Variants in GDI2 observed in about 807,000 individuals in gnomAD.
GDI2 encodes rab GDP dissociation inhibitor beta.
GDI2 carries 22 observed loss-of-function variants against 54.2 expected under a neutral mutation model. The ratio of observed to expected loss-of-function variants is 0.41; its 90% CI spans 0.29 to 0.58. The LOEUF is 0.58. GDI2 is among the 20% of genes least tolerant of loss of function. The pLI, the probability that GDI2 is intolerant of heterozygous loss-of-function variation, is 0.35. For missense variants in GDI2, 422 were observed against 546.0 expected (o/e 0.77, Z 2.26); for synonymous variants, 177 against 182.1 (o/e 0.97, Z 0.23).
At chr10:5,800,066 A>T (rs956596603) in intron 2 of GDI2, among the ~76,000 whole-genome samples, 2 of 152,238 alleles carry the variant, frequency 1.3e-5, no homozygotes, top group South Asian at 4.1e-4. Flanking sequence ...CACAGTACAC[A>T]TCATATCCAT....
In GDI2 at chr10:5,779,398, C is replaced by T. The variant is rs1840699953; in HGVS notation, c.720-5457G>A. The stretch of plus-strand genomic sequence containing the variant: ...TGGCATGTGCCTGTAATCCCAGCTA[C>T]TTGGGAGGCTGAGGCAGGAGAATCG... On this transcript the variant is annotated intron_variant, in intron 6 of 10. Coordinates refer to ENST00000380191, the MANE Select transcript of GDI2 (RefSeq NM_001494.4). Among the ~76,000 whole-genome samples the T allele has an allele frequency of 2.0e-5, 3 of 151,564 alleles. No individual in the cohort carries two copies. In the South Asian group the frequency reaches 6.2e-4, roughly 31 times the overall value.
intron 1 of GDI2, among the ~76,000 whole-genome samples, chr10:5,808,697 TAAAAAAAAAAAA>T (rs56672226): frequency 1.2e-5 from 1 of 86,230 alleles, no homozygotes; most frequent in African/African-American, 4.2e-5. Flanking sequence ...TTGTTGTTAT[TAAAAAAAAAAAA>T]AAAAAAAAAC....
At chr10:5,791,177 C>A (rs189381381) in intron 4 of GDI2, among the ~76,000 whole-genome samples, 1 of 152,026 alleles carries the variant, frequency 6.6e-6, no homozygotes, top group South Asian at 2.1e-4. Flanking sequence ...TCCCTATAGT[C>A]CCAGCTACTC....
chr10:5,791,948 T>A (rs573052097), intron 4 of GDI2, among the ~76,000 whole-genome samples: 1 of 152,142 alleles, frequency 6.6e-6, no homozygotes, highest in Admixed American at 6.6e-5. Flanking sequence ...ACATCTGGGA[T>A]ACTGTCTCTG....
chr10:5,788,432 G>A (rs991053371), intron 4 of GDI2, among the ~76,000 whole-genome samples: 1 of 152,102 alleles, frequency 6.6e-6, no homozygotes. Context: ...CATGGGATAT[G>A]CCTTTCTGTA....
intron 1 of GDI2, among the ~76,000 whole-genome samples, chr10:5,808,697 TAAAAAA>T (rs56672226): frequency 2.3e-5 from 2 of 86,246 alleles, no homozygotes; most frequent in South Asian, 3.9e-4. Context: ...TTGTTGTTAT[TAAAAAA>T]AAAAAAAAAA....
At chr10:5,800,228 C>T (rs1841238455) in intron 2 of GDI2, among the ~76,000 whole-genome samples, 1 of 152,178 alleles carries the variant, frequency 6.6e-6, no homozygotes, top group Non-Finnish European at 1.5e-5. Context: ...CTTGGGTTTA[C>T]AACCCATCTC....
At chr10:5,813,132 G>A (rs938232980) in intron 1 of GDI2, 82 bp downstream of exon 1, 3 of 817,336 alleles carry the variant, frequency 3.7e-6, no homozygotes, top group Non-Finnish European at 3.7e-6. Flanking sequence ...CCCCCGAGGA[G>A]CTGCGACCCG....
Position 5,785,854 on chromosome 10 carries a change from A to C in GDI2, c.585T>G (p.Asp195Glu). 3 of 1,571,908 alleles carry C rather than the reference A, an allele frequency of 1.9e-6. No individual in the cohort carries two copies. The highest frequency in any genetic ancestry group is 2.6e-6 in the Non-Finnish European group (3 of 1,144,446). The change falls in exon 5 of 11, where the codon GAT (aspartate) becomes GAG (glutamate). Residue 195 changes from aspartate (D) to glutamate (E), a missense_variant and splice_region_variant. By Grantham distance (45) the Asp-to-Glu change is conservative (BLOSUM62 2). Transcript: ENST00000380191. Reference protein sequence around the residue: ...TGHALALYRTDDYLDQPCYET... With the variant: ...TGHALALYRTEDYLDQPCYET... ...AATCTAAAAACCAAAATACTTACTC[A>C]TCAGTTCTGTAAAGTGCAAGAGCAT...
In GDI2 at chr10:5,768,437, A is replaced by G. The variant is rs759018252; in HGVS notation, c.820-53T>C. 48 of 1,133,542 alleles carry G rather than the reference A, an allele frequency of 4.2e-5. No homozygotes were observed. Among genetic ancestry groups the G allele is most frequent in the Non-Finnish European group, 6.1e-5 (46 of 755,326 alleles). 70.2% of individuals were successfully genotyped at this position (1,133,542 alleles called of 1,614,324 possible). The stretch of plus-strand genomic sequence containing the variant: ...GAAGCGGACAAGGATATAGGGAAAC[A>G]CATCCCATGTTCATAGTTTGGAAGA... On this transcript the variant is annotated intron_variant, in intron 7 of 10. Transcript: ENST00000380191. This position sits in a 1 kb window ranked among gnomAD's most constrained non-coding sequence, Gnocchi z 4.4.
chr10:5,779,936 C>T (rs1248267988), intron 6 of GDI2, among the ~76,000 whole-genome samples: 2 of 152,014 alleles, frequency 1.3e-5, no homozygotes, highest in Non-Finnish European at 2.9e-5. Context: ...TCAAGCGATC[C>T]ACCCACCTCA....
At chr10:5,800,127 A>G (rs1311626065) in intron 2 of GDI2, among the ~76,000 whole-genome samples, 2 of 152,212 alleles carry the variant, frequency 1.3e-5, no homozygotes, top group Non-Finnish European at 1.5e-5. Flanking sequence ...AATATATTAA[A>G]ACACACTGTG....
rs1840311216 is a variant in GDI2 at position 5,765,832 on chromosome 10, A to C, written c.*174T>G. 1.9e-6 allele frequency: 1 copy of C among 538,648 alleles called. No homozygotes were observed. Among genetic ancestry groups the C allele is most frequent in the Non-Finnish European group, 3.2e-6 (1 of 313,252 alleles). The allele number at this position is 538,648 out of a possible 1,614,324, so 33.4% of individuals were successfully genotyped here. A position where few individuals can be genotyped will look rare whatever the true frequency, so the allele number is the denominator to read the frequency against. On this transcript the variant is annotated 3_prime_UTR_variant, in exon 11 of 11. Coordinates refer to ENST00000380191, the MANE Select transcript of GDI2 (RefSeq NM_001494.4). ...TGGTAACTGCCAATGCTGAATAGCC[A>C]CTCCATGAAAACAAGTTAATAATTA...
chr10:5,809,178 G>T (rs1049087176), intron 1 of GDI2, among the ~76,000 whole-genome samples: 3 of 151,212 alleles, frequency 2.0e-5, no homozygotes, highest in Non-Finnish European at 2.9e-5. Context: ...CTGGGAAGCA[G>T]AGGTTGCGGT....
chr10:5,802,310 C>G (rs1016208795), intron 1 of GDI2, among the ~76,000 whole-genome samples: 3 of 151,896 alleles, frequency 2.0e-5, no homozygotes, highest in Admixed American at 1.3e-4. Flanking sequence ...TTAGAATTAC[C>G]GAAAACTTGG....
chr10:5,781,676 C>T (rs1429557333), intron 6 of GDI2, among the ~76,000 whole-genome samples: 2 of 143,950 alleles, frequency 1.4e-5, no homozygotes, highest in Admixed American at 1.4e-4. Flanking sequence ...AAGCTATAAA[C>T]ATTAAAAAAA....
intron 1 of GDI2, among the ~76,000 whole-genome samples, chr10:5,806,411 A>C (rs1841382521): frequency 6.6e-6 from 1 of 151,434 alleles, no homozygotes; most frequent in Admixed American, 6.6e-5. Context: ...AATTTAAAAA[A>C]AAAAAAACAA....
At chr10:5,783,877 C>T (rs945835957) in intron 6 of GDI2, among the ~76,000 whole-genome samples, 1 of 152,162 alleles carries the variant, frequency 6.6e-6, no homozygotes, top group Non-Finnish European at 1.5e-5. Flanking sequence ...AGATTCTTTC[C>T]TTCATCTTGA....
Position 5,774,824 on chromosome 10 carries a change from C to G in GDI2, c.720-883G>C, listed in dbSNP as rs1449705688. On this transcript the variant is annotated intron_variant, in intron 6 of 10. Transcript: ENST00000380191. The surrounding 1 kb of genome is among the most constrained non-coding windows in gnomAD (Gnocchi z 4.8). ...CCTTGTGTGTGTGTTCTAAAATGGC[C>G]TTGTGCAGTCGCGGGACTATCCACA... Among the ~76,000 whole-genome samples, 1 of 152,172 alleles carries G rather than the reference C, an allele frequency of 6.6e-6. No homozygotes were observed. The highest frequency in any genetic ancestry group is 1.5e-5 in the Non-Finnish European group (1 of 68,034).
Sources: gnomAD v4.1 joint callset for allele counts (sites outside exome capture counted in the v4.1 genomes callset) on GRCh38, gnomAD v4.1.1 for gene constraint, Gnocchi (gnomAD v3.1) non-coding constraint, MANE v1.5 for transcripts, NCBI Gene and HGNC (gene_info 2026-07-23, HGNC 2026-07-21) for gene names.